The following MEIS2 variants were observed in gnomAD, a reference collection of about 807,000 sequenced individuals.
The protein encoded by MEIS2 is Meis homeobox 2.
Under a neutral mutation model 58.6 loss-of-function variants are expected in MEIS2, and 9 were observed. That is an observed-to-expected ratio of 0.15 (90% CI 0.09 to 0.27). The LOEUF (loss-of-function observed/expected upper bound fraction) is 0.27. MEIS2 is among the 10% of genes least tolerant of loss of function. MEIS2 has a pLI of 1.00. For missense variants in MEIS2, 427 were observed against 635.0 expected, an observed-to-expected ratio of 0.67 and a Z score of 3.52; for synonymous variants, 221 against 228.4, an observed-to-expected ratio of 0.97 and a Z score of 0.29.
intron 7 of MEIS2, among the ~76,000 whole-genome samples, chr15:37,054,804 T>G (rs2063068408): frequency 6.6e-6 from 1 of 152,244 alleles, no homozygotes; most frequent in African/African-American, 2.4e-5. Flanking sequence ...AATTCTAATT[T>G]CAAATTTCAA....
intron 7 of MEIS2, among the ~76,000 whole-genome samples, chr15:37,058,153 C>G (rs77531642): frequency 0.026 from 3,905 of 152,144 alleles, 182 homozygotes; most frequent in African/African-American, 0.089. Flanking sequence ...CTACTCCCCC[C>G]ACACCCACCT....
intron 9 of MEIS2, among the ~76,000 whole-genome samples, chr15:36,914,624 G>A (rs2057188239): frequency 6.6e-6 from 1 of 152,218 alleles, no homozygotes; most frequent in African/African-American, 2.4e-5. Context: ...AAAAGCTGAA[G>A]TGGAGCCGAG....
chr15:37,023,750 A>T (rs2061601623), intron 8 of MEIS2, among the ~76,000 whole-genome samples: 1 of 151,916 alleles, frequency 6.6e-6, no homozygotes, highest in South Asian at 2.1e-4. Context: ...TGCCTTCCTA[A>T]TTCACTCTCC....
intron 8 of MEIS2, among the ~76,000 whole-genome samples, chr15:37,009,213 T>C (rs2049289): frequency 0.4 from 60,112 of 151,780 alleles, 13,366 homozygotes; most frequent in South Asian, 0.63. Flanking sequence ...GGCATGAACC[T>C]GGGAGGCGGA....
chr15:37,016,560 C>T (rs990439558), intron 8 of MEIS2, among the ~76,000 whole-genome samples: 7 of 152,058 alleles, frequency 4.6e-5, no homozygotes, highest in Non-Finnish European at 8.8e-5. Flanking sequence ...GAATAAGAAA[C>T]GTCTGCCAGA....
At chr15:36,910,257 A>G (rs567803408) in intron 9 of MEIS2, among the ~76,000 whole-genome samples, 84 of 152,308 alleles carry the variant, frequency 5.5e-4, no homozygotes, top group Non-Finnish European at 9.7e-4. Context: ...ATATCTTTGT[A>G]AGCACATTTT....
In MEIS2 at chr15:36,889,437, T is replaced by C. The variant is rs1293126768; in HGVS notation, c.*2736A>G. 6.6e-6 allele frequency: 1 copy of C among 152,102 alleles called. No individual in the cohort carries two copies. Among genetic ancestry groups the C allele is most frequent in the Non-Finnish European group, 1.5e-5 (1 of 68,028 alleles). The allele number at this position is 152,102 out of a possible 1,614,324, so 9.4% of individuals were successfully genotyped here. A position where few individuals can be genotyped will look rare whatever the true frequency, so the allele number is the denominator to read the frequency against. On this transcript the variant is annotated 3_prime_UTR_variant, in exon 12 of 12. Transcript: ENST00000561208. ...ACAAATCTATCACTTCTCTGTGTTA[T>C]CATGGGGTTGGGGGTGGGGGAGAGC...
Position 36,968,169 on chromosome 15 carries a change from A to C in MEIS2, c.901-17769T>G, listed in dbSNP as rs147238804. On this transcript the variant is annotated intron_variant, in intron 8 of 11. Coordinates refer to ENST00000561208, the MANE Select transcript of MEIS2 (RefSeq NM_170675.5). ...GCTATTTGTCGAAGCAGCGTAACAA[A>C]TCCTATTCTGATTGATATACATTTC... Among the ~76,000 whole-genome samples, 502 of 152,214 alleles carry C rather than the reference A, an allele frequency of 3.3e-3. 3 individuals are homozygous for C. Among genetic ancestry groups the C allele is most frequent in the African/African-American group, 0.012 (485 of 41,534 alleles).
intron 9 of MEIS2, among the ~76,000 whole-genome samples, chr15:36,923,011 C>T (rs964421433): frequency 9.9e-5 from 15 of 152,114 alleles, no homozygotes; most frequent in South Asian, 2.1e-4. Context: ...TAATAATGTT[C>T]TCTGGAAACA....
In MEIS2 at chr15:37,094,557, T is replaced by G; in HGVS notation, c.459A>C (p.Val153=). The change falls in exon 5 of 12, where the codon GTA becomes GTC. Residue 153 remains valine (V), a synonymous_variant. Coordinates refer to ENST00000561208, the MANE Select transcript of MEIS2 (RefSeq NM_170675.5). ...LDNLMIQAIQ[V]LRFHLLELEK... ...CTAACTCCAAAAGATGAAACCTTAG[T>G]ACTTGTATTGCTTGTATCATCTGAA... is the stretch of plus-strand genomic sequence containing the variant. 1 of 1,612,964 alleles carries G rather than the reference T, an allele frequency of 6.2e-7. No homozygotes were observed. Among genetic ancestry groups the G allele is most frequent in the Non-Finnish European group, 8.5e-7 (1 of 1,179,496 alleles).
At chr15:37,008,465 C>T (rs2061003023) in intron 8 of MEIS2, among the ~76,000 whole-genome samples, 1 of 152,182 alleles carries the variant, frequency 6.6e-6, no homozygotes, top group Non-Finnish European at 1.5e-5. Context: ...TGAGATCTTT[C>T]ACAAGAGTCA....
intron 7 of MEIS2, among the ~76,000 whole-genome samples, chr15:37,053,904 T>A (rs1466656771): frequency 6.6e-6 from 1 of 152,212 alleles, no homozygotes; most frequent in African/African-American, 2.4e-5. Context: ...GCCTCATATC[T>A]ATATAATAAT....
At chr15:37,038,348 C>T (rs533735330) in intron 7 of MEIS2, among the ~76,000 whole-genome samples, 2 of 152,356 alleles carry the variant, frequency 1.3e-5, no homozygotes, top group Admixed American at 1.3e-4. Context: ...CACTTGCCTT[C>T]TAACTTCTGG....
chr15:37,030,419 C>G (rs920186624), intron 8 of MEIS2, among the ~76,000 whole-genome samples: 20 of 152,070 alleles, frequency 1.3e-4, no homozygotes, highest in African/African-American at 4.6e-4. Context: ...TCACTGCAAC[C>G]TCTACCTCCC....
At chr15:37,068,728 G>A (rs1322471778) in intron 7 of MEIS2, among the ~76,000 whole-genome samples, 2 of 152,074 alleles carry the variant, frequency 1.3e-5, no homozygotes, top group Admixed American at 1.3e-4. Context: ...AAGAGGTCAG[G>A]TTTAAGTAAA....
intron 9 of MEIS2, among the ~76,000 whole-genome samples, chr15:36,927,916 C>T (rs1268227214): frequency 6.6e-6 from 1 of 152,000 alleles, no homozygotes; most frequent in East Asian, 1.9e-4. Context: ...TGATAAATAA[C>T]ATAAATAAAC....
At chr15:37,019,128 A>AT in intron 8 of MEIS2, among the ~76,000 whole-genome samples, 1 of 152,216 alleles carries the variant, frequency 6.6e-6, no homozygotes, top group African/African-American at 2.4e-5. Flanking sequence ...TACATATTCT[A>AT]TTTTTTTCAG....
chr15:36,894,902 T>A, intron 11 of MEIS2: 1 of 1,147,412 alleles, frequency 8.7e-7, no homozygotes, highest in Non-Finnish European at 1.3e-6. Flanking sequence ...TCCTTTTCAC[T>A]TATTGCCTTG....
At chr15:37,090,208 A>T (rs1373035132) in intron 6 of MEIS2, among the ~76,000 whole-genome samples, 3 of 152,032 alleles carry the variant, frequency 2.0e-5, no homozygotes, top group Non-Finnish European at 4.4e-5. Flanking sequence ...ACATTATAAT[A>T]TTAAAAACAT....
Sources: gnomAD v4.1 joint callset for allele counts (sites outside exome capture counted in the v4.1 genomes callset) on GRCh38, gnomAD v4.1.1 for gene constraint, MANE v1.5 for transcripts, NCBI Gene and HGNC (gene_info 2026-07-23, HGNC 2026-07-21) for gene names.